AP2A2: variants seen among roughly 807,000 people sequenced by gnomAD.
The protein encoded by AP2A2 is AP-2 complex subunit alpha-2.
AP2A2 carries 32 observed loss-of-function variants against 104.2 expected under a neutral mutation model. The ratio of observed to expected loss-of-function variants is 0.31; its 90% CI spans 0.23 to 0.41. The LOEUF is 0.41. Among genes scored for constraint, AP2A2 ranks in the 10% least tolerant of loss-of-function variants. AP2A2 has a pLI of 1.00. For missense variants in AP2A2, 912 were observed against 1,261.0 expected (o/e 0.72, Z 4.19); for synonymous variants, 539 against 533.3 (o/e 1.01, Z -0.15).
intron 6 of AP2A2, among the ~76,000 whole-genome samples, chr11:983,432 G>A (rs1481313998): frequency 2.0e-5 from 3 of 151,382 alleles, no homozygotes; most frequent in Admixed American, 1.3e-4. Flanking sequence ...GCCCAGGCTG[G>A]AGTGCAGTGG....
At chr11:944,447 A>T (rs1202436075) in intron 1 of AP2A2, among the ~76,000 whole-genome samples, 1 of 152,232 alleles carries the variant, frequency 6.6e-6, no homozygotes, top group East Asian at 1.9e-4. Context: ...TGGAGCTTGC[A>T]TTCTAGTGGA....
intron 1 of AP2A2, among the ~76,000 whole-genome samples, chr11:948,703 C>A (rs1038071094): frequency 6.6e-6 from 1 of 151,762 alleles, no homozygotes; most frequent in East Asian, 2.0e-4. Flanking sequence ...CCCGTCTCTA[C>A]AAAAAATATA....
chr11:929,982 G>A (rs1055480249), intron 1 of AP2A2, among the ~76,000 whole-genome samples: 8 of 152,158 alleles, frequency 5.3e-5, no homozygotes, highest in African/African-American at 1.9e-4. Context: ...TTAGCTGGGC[G>A]TGGTGGCATG....
intron 3 of AP2A2, 65 bp downstream of exon 3, chr11:970,376 G>T: frequency 1.3e-6 from 2 of 1,572,744 alleles, no homozygotes; most frequent in South Asian, 1.2e-5. Context: ...GAGGCCCGGT[G>T]CCCGTGTAGG....
At chr11:949,275 C>G (rs796528098) in intron 1 of AP2A2, among the ~76,000 whole-genome samples, 5 of 150,860 alleles carry the variant, frequency 3.3e-5, no homozygotes, top group African/African-American at 1.2e-4. Flanking sequence ...GACTCTGTCT[C>G]AAGAAAAGAA....
In AP2A2 at chr11:925,984, C is replaced by T. The variant is rs1853105975; in HGVS notation, c.-38C>T. On this transcript the variant is annotated 5_prime_UTR_variant, in exon 1 of 22. Transcript: ENST00000448903. ...TTCCCGCTCCCCGCGCTCCTCCGCC[C>T]GGGTCCGCCAGCCGAGGCCGCTCCC... 1 of 1,380,892 alleles carries T rather than the reference C, an allele frequency of 7.2e-7. No homozygotes were observed. Among genetic ancestry groups the T allele is most frequent in the Non-Finnish European group, 9.5e-7 (1 of 1,051,182 alleles). 85.5% of individuals were successfully genotyped at this position (1,380,892 alleles called of 1,614,324 possible).
intron 1 of AP2A2, chr11:932,761 G>A (rs985809632): frequency 1.3e-5 from 6 of 456,064 alleles, no homozygotes; most frequent in Admixed American, 2.4e-5. Context: ...AGTGTTTTCC[G>A]TCTGGCTCCT....
chr11:930,372 A>T (rs199524921), intron 1 of AP2A2, among the ~76,000 whole-genome samples: 1 of 152,174 alleles, frequency 6.6e-6, no homozygotes, highest in East Asian at 1.9e-4. Context: ...AATGTCTCCT[A>T]AAATTAACTT....
intron 1 of AP2A2, among the ~76,000 whole-genome samples, chr11:950,315 T>G (rs1854007591): frequency 6.6e-6 from 1 of 151,250 alleles, no homozygotes; most frequent in African/African-American, 2.4e-5. Flanking sequence ...AATATGGTTT[T>G]TTTTTTTTTT....
chr11:946,855 C>A (rs1853856531), intron 1 of AP2A2: 1 of 151,596 alleles, frequency 6.6e-6, no homozygotes, highest in African/African-American at 2.4e-5. Flanking sequence ...ATAATACATA[C>A]TGAAAGGAAT....
chr11:944,828 C>T (rs1291422259), intron 1 of AP2A2, among the ~76,000 whole-genome samples: 1 of 129,082 alleles, frequency 7.7e-6, no homozygotes, highest in Non-Finnish European at 1.5e-5. Context: ...CAGCAGGAGG[C>T]GCATGTGGCT....
At chr11:931,813 T>C (rs960366838) in intron 1 of AP2A2, among the ~76,000 whole-genome samples, 8 of 150,736 alleles carry the variant, frequency 5.3e-5, no homozygotes, top group African/African-American at 2.0e-4. Context: ...TTTTTTTTTT[T>C]TTTTTTTTGA....
chr11:977,233 C>T lies in AP2A2; in HGVS notation c.603+9C>T. The T allele has an allele frequency of 6.3e-7, 1 of 1,578,806 alleles. No homozygotes were observed. Among genetic ancestry groups the T allele is most frequent in the Non-Finnish European group, 8.6e-7 (1 of 1,158,528 alleles). On this transcript the variant is annotated intron_variant, in intron 5 of 21. Coordinates refer to ENST00000448903, the MANE Select transcript of AP2A2 (RefSeq NM_012305.4). The stretch of plus-strand genomic sequence containing the variant: ...TCAATGACCAGCACTTGGTAAGCAC[C>T]CTTGGCTTTGGTTCTCCCCGCTCCC...
At position 938,535 on chromosome 11, in the gene AP2A2, C is replaced by T. The variant is rs1012612033; in HGVS notation, c.67+12447C>T. 2.0e-5 allele frequency among the ~76,000 whole-genome samples: 3 copies of T among 149,896 alleles called. No individual in the cohort carries two copies. The Admixed American group carries it at 2.0e-4, about 10-fold the overall frequency. ...TGTCCCCCAGGCTGGAGTGCAGTGGCGCGATCTTGGCTCACTGCAAGCTCT... is the reference window on the plus strand; with the variant it reads ...TGTCCCCCAGGCTGGAGTGCAGTGGTGCGATCTTGGCTCACTGCAAGCTCT... On this transcript the variant is annotated intron_variant, in intron 1 of 21. Coordinates refer to ENST00000448903, the MANE Select transcript of AP2A2 (RefSeq NM_012305.4).
At chr11:999,391 A>G (rs1341970125) in intron 14 of AP2A2, among the ~76,000 whole-genome samples, 1 of 152,222 alleles carries the variant, frequency 6.6e-6, no homozygotes, top group Non-Finnish European at 1.5e-5. Context: ...GGCCACCTGT[A>G]ATCCCAGCTA....
intron 1 of AP2A2, among the ~76,000 whole-genome samples, chr11:930,922 G>A (rs1422467107): frequency 6.6e-6 from 1 of 152,162 alleles, no homozygotes; most frequent in African/African-American, 2.4e-5. Context: ...GATTTCGTTA[G>A]ATCGACATGC....
rs1856410435 is a variant in AP2A2, at chr11:1,011,013, A to C, written c.*388A>C. On this transcript the variant is annotated 3_prime_UTR_variant, in exon 22 of 22. Transcript: ENST00000448903. ...CGGAGCCTCTGGGAGCAGCAGTGCC[A>C]CTGTGCATGGCGTGGGCTGAGCCTT... is the stretch of plus-strand genomic sequence containing the variant. The C allele has an allele frequency of 1.5e-6, 1 of 683,412 alleles. No homozygotes were observed. The highest frequency in any genetic ancestry group is 2.7e-6 in the Non-Finnish European group (1 of 367,346). 42.3% of individuals were successfully genotyped at this position (683,412 alleles called of 1,614,324 possible). A position where few individuals can be genotyped will look rare whatever the true frequency, so the allele number is the denominator to read the frequency against.
intron 1 of AP2A2, among the ~76,000 whole-genome samples, chr11:956,307 C>T (rs1303338956): frequency 6.6e-6 from 1 of 152,130 alleles, no homozygotes; most frequent in Non-Finnish European, 1.5e-5. Context: ...GGATTACAGG[C>T]ATGCGCCACC....
At chr11:963,980 A>T (rs11246357) in intron 2 of AP2A2, among the ~76,000 whole-genome samples, 10 of 152,114 alleles carry the variant, frequency 6.6e-5, no homozygotes, top group Non-Finnish European at 1.3e-4. Flanking sequence ...AAACAACCGA[A>T]GTGCATAGAG....
Sources: gnomAD v4.1 joint callset for allele counts (sites outside exome capture counted in the v4.1 genomes callset) on GRCh38, gnomAD v4.1.1 for gene constraint, MANE v1.5 for transcripts, NCBI Gene and HGNC (gene_info 2026-07-23, HGNC 2026-07-21) for gene names.